The following CRISP2 variants were observed in gnomAD, a reference collection of about 807,000 sequenced individuals.
The protein encoded by CRISP2 is cysteine rich secretory protein 2, also known as cysteine-rich secretory protein 2.
In CRISP2, 29 loss-of-function variants were observed where a neutral mutation model predicts 31.7. The ratio of observed to expected loss-of-function variants is 0.92; its 90% CI spans 0.68 to 1.25. The LOEUF is 1.25. Ranked by LOEUF, CRISP2 falls within the 50% of genes most tolerant of loss-of-function variation. The pLI, the probability that CRISP2 is intolerant of heterozygous loss-of-function variation, is 0.00. For missense variants in CRISP2, 318 were observed against 286.5 expected (o/e 1.11, Z -0.79); for synonymous variants, 111 against 101.4 (o/e 1.09, Z -0.57).
intron 8 of CRISP2, among the ~76,000 whole-genome samples, chr6:49,697,518 T>C (rs150862969): frequency 6.6e-6 from 1 of 152,256 alleles, no homozygotes; most frequent in African/African-American, 2.4e-5. Context: ...CTAAAGCATC[T>C]ATACTCCTAG....
intron 8 of CRISP2, among the ~76,000 whole-genome samples, chr6:49,697,138 G>T (rs891579689): frequency 6.6e-6 from 1 of 152,068 alleles, no homozygotes; most frequent in Non-Finnish European, 1.5e-5. Flanking sequence ...CAGTAGTAAA[G>T]AATTTCAAAC....
At chr6:49,693,923 G>A (rs1195905834) in intron 9 of CRISP2, among the ~76,000 whole-genome samples, 1 of 151,956 alleles carries the variant, frequency 6.6e-6, no homozygotes, top group South Asian at 2.1e-4. Flanking sequence ...TCCATCTTTC[G>A]AGGGCTGGTC....
intron 4 of CRISP2, among the ~76,000 whole-genome samples, chr6:49,705,653 G>A (rs1338008130): frequency 6.6e-6 from 1 of 152,206 alleles, no homozygotes; most frequent in Non-Finnish European, 1.5e-5. Flanking sequence ...ATCTCTGTGA[G>A]ATAAAGTCAG....
At chr6:49,697,738 C>A (rs758064518) in intron 8 of CRISP2, 122 bp downstream of exon 8, 2 of 1,559,892 alleles carry the variant, frequency 1.3e-6, no homozygotes, top group East Asian at 4.8e-5. Context: ...AAAAACATTT[C>A]CAAACGTTTA....
intron 8 of CRISP2, 164 bp downstream of exon 8, chr6:49,697,696 T>G (rs1399907999): frequency 6.6e-7 from 1 of 1,516,116 alleles, no homozygotes; most frequent in East Asian, 2.6e-5. Flanking sequence ...GAAGTTGTTC[T>G]CCTCTGAGAA....
At chr6:49,709,258 C>G (rs984266109) in intron 3 of CRISP2, 53 bp from the exon 4 acceptor site, 19 of 1,477,094 alleles carry the variant, frequency 1.3e-5, no homozygotes, top group Non-Finnish European at 1.5e-5. Flanking sequence ...TAAAAAACTT[C>G]TAAGAGGGGG....
At chr6:49,709,613 G>A (rs1377511138) in intron 3 of CRISP2, among the ~76,000 whole-genome samples, 2 of 152,064 alleles carry the variant, frequency 1.3e-5, no homozygotes, top group African/African-American at 2.4e-5. Context: ...CTCTCAATTG[G>A]CTATTCTATA....
At chr6:49,696,320 G>A (rs1369712457) in intron 8 of CRISP2, among the ~76,000 whole-genome samples, 1 of 152,094 alleles carries the variant, frequency 6.6e-6, no homozygotes, top group African/African-American at 2.4e-5. Context: ...GCAGGTTGTG[G>A]CAGGAAATGA....
intron 4 of CRISP2, among the ~76,000 whole-genome samples, chr6:49,706,299 C>T (rs1767008886): frequency 6.6e-6 from 1 of 152,108 alleles, no homozygotes; most frequent in African/African-American, 2.4e-5. Context: ...TGCATGTCTG[C>T]ATTCAGTACT....
At chr6:49,699,767 A>G (rs779406520) in intron 6 of CRISP2, 37 bp downstream of exon 6, 3 of 1,382,514 alleles carry the variant, frequency 2.2e-6, no homozygotes, top group Middle Eastern at 1.8e-4. Context: ...TATTTTATTC[A>G]TTTATTTATT....
At chr6:49,691,853 T>C (rs1764069194), downstream of CRISP2, among the ~76,000 whole-genome samples, 1 of 152,098 alleles carries the variant, frequency 6.6e-6, no homozygotes, top group African/African-American at 2.4e-5. Context: ...TGTTTAATTC[T>C]GTAGGCATTA....
the CRISP2 span, among the ~76,000 whole-genome samples, chr6:49,678,806 T>A: frequency 6.6e-6 from 1 of 152,194 alleles, no homozygotes; most frequent in South Asian, 2.1e-4. Flanking sequence ...AAAAAGAGGT[T>A]AGGTGGCCAC....
At chr6:49,708,049 C>T (rs1435315849) in intron 4 of CRISP2, among the ~76,000 whole-genome samples, 2 of 151,608 alleles carry the variant, frequency 1.3e-5, no homozygotes, top group Non-Finnish European at 2.9e-5. Context: ...ATTCTTATAC[C>T]CTAACTATAC....
chr6:49,686,304 A>G, the CRISP2 span, among the ~76,000 whole-genome samples: 1 of 152,238 alleles, frequency 6.6e-6, no homozygotes, highest in East Asian at 1.9e-4. Context: ...CAATACAAAT[A>G]ACATTTTAAT....
At chr6:49,680,770 G>A in the CRISP2 span, among the ~76,000 whole-genome samples, 1 of 152,016 alleles carries the variant, frequency 6.6e-6, no homozygotes, top group African/African-American at 2.4e-5. Context: ...GAACTTTTTT[G>A]GTATGATTGT....
intron 4 of CRISP2, among the ~76,000 whole-genome samples, chr6:49,703,302 C>CTT (rs199876672): frequency 1.1e-4 from 17 of 149,866 alleles, no homozygotes; most frequent in African/African-American, 4.2e-4. Flanking sequence ...GCTATGCAGG[C>CTT]TTTTTTTTTG....
At chr6:49,698,168 C>A (rs1450020315) in intron 7 of CRISP2, among the ~76,000 whole-genome samples, 194 bp downstream of exon 7, 2 of 152,060 alleles carry the variant, frequency 1.3e-5, no homozygotes, top group Non-Finnish European at 2.9e-5. Context: ...AGGAACAATA[C>A]AGAGTCTGCT....
At chr6:49,697,698 C>T (rs1765002334) in intron 8 of CRISP2, 162 bp downstream of exon 8, 1 of 1,516,916 alleles carries the variant, frequency 6.6e-7, no homozygotes. Context: ...AGTTGTTCTC[C>T]TCTGAGAAGT....
intron 4 of CRISP2, among the ~76,000 whole-genome samples, chr6:49,704,849 G>A (rs1158227934): frequency 6.6e-6 from 1 of 152,186 alleles, no homozygotes; most frequent in Non-Finnish European, 1.5e-5. Context: ...AAGTTGTCAT[G>A]TGGACAGTCT....
Sources: allele counts gnomAD v4.1 joint callset (sites outside exome capture counted in the v4.1 genomes callset), GRCh38; gene constraint gnomAD v4.1.1; transcripts MANE v1.5; gene names NCBI Gene and HGNC (gene_info 2026-07-23, HGNC 2026-07-21).